Variants in TENM1 observed in about 807,000 individuals in gnomAD.
TENM1 encodes teneurin-1.
In TENM1, 35 loss-of-function variants were observed where a neutral mutation model predicts 174.8. The observed-to-expected ratio is 0.20, with a 90% CI of 0.15 to 0.27. The LOEUF is 0.27. TENM1 is among the 10% of genes least tolerant of loss of function. The probability of loss-of-function intolerance (pLI) is 1.00; values close to 1 mark genes in which losing one functional copy is unlikely to be tolerated. For missense variants in TENM1, 1,633 were observed against 2,130.1 expected, an observed-to-expected ratio of 0.77 and a Z score of 4.59; for synonymous variants, 781 against 798.7, an observed-to-expected ratio of 0.98 and a Z score of 0.37.
At position 124,943,788 on chromosome X, in the gene TENM1, T is replaced by C. The variant is rs73215174; in HGVS notation, c.217+19749A>G. On this transcript the variant is annotated intron_variant, in intron 1 of 31. Transcript: ENST00000422452. ...AGTCATAAGATTGCTGTTAATTATG[T>C]TTCCACTTCTCATGAATTGTTTACT... Among the ~76,000 whole-genome samples, 434 of 112,178 alleles carry C rather than the reference T, an allele frequency of 3.9e-3. 1 individual carries two copies. The highest frequency in any genetic ancestry group is 5.7e-3 in the Non-Finnish European group (305 of 53,109).
chrX:124,927,856 T>C (rs2058113478), intron 1 of TENM1, among the ~76,000 whole-genome samples: 1 of 111,935 alleles, frequency 8.9e-6, no homozygotes, highest in Non-Finnish European at 1.9e-5. Context: ...GACCTTCTTT[T>C]CCCTTGTAAT....
At chrX:125,107,770 T>A in the TENM1 span, among the ~76,000 whole-genome samples, 1 of 112,092 alleles carries the variant, frequency 8.9e-6, no homozygotes, top group Non-Finnish European at 1.9e-5. Flanking sequence ...AAAAACTACA[T>A]AACACTAGGA....
the TENM1 span, among the ~76,000 whole-genome samples, chrX:125,117,135 C>T: frequency 9.0e-6 from 1 of 111,403 alleles, no homozygotes; most frequent in African/African-American, 3.3e-5. Context: ...GACAGTGTGG[C>T]AATTCCTCAA....
intron 6 of TENM1, among the ~76,000 whole-genome samples, chrX:124,656,842 G>A (rs1344187983): frequency 1.8e-5 from 2 of 111,227 alleles, no homozygotes; most frequent in East Asian, 2.8e-4. Context: ...GGCCAGGTGC[G>A]GTGGCTCATG....
In TENM1 at chrX:124,503,540, A is replaced by C. The variant is rs2047378693; in HGVS notation, c.3445+20T>G. 1.7e-6 allele frequency: 2 copies of C among 1,184,700 alleles called. No homozygotes were observed. The highest frequency in any genetic ancestry group is 3.0e-5 in the East Asian group (1 of 33,584). ...AGCATTAGGAAAGTAGTATTCATAC[A>C]AATTTAAAAAGCTACTTACCACTTT... On this transcript the variant is annotated intron_variant, in intron 19 of 31. Coordinates refer to ENST00000422452, the Ensembl canonical transcript of TENM1.
chrX:124,471,483 A>T (rs866935816), intron 22 of TENM1, among the ~76,000 whole-genome samples: 1 of 46,060 alleles, frequency 2.2e-5, no homozygotes, highest in Non-Finnish European at 3.5e-5. Context: ...ATAATATATA[A>T]TATATAGTAT....
the TENM1 span, among the ~76,000 whole-genome samples, chrX:125,130,481 C>T: frequency 1.8e-5 from 2 of 110,357 alleles, no homozygotes; most frequent in African/African-American, 6.6e-5. Context: ...AATTAATTAC[C>T]TTAGATACCA....
chrX:124,640,056 T>C (rs2050974106), intron 11 of TENM1, among the ~76,000 whole-genome samples: 1 of 110,648 alleles, frequency 9.0e-6, no homozygotes, highest in Non-Finnish European at 1.9e-5. Context: ...GGCACATGTA[T>C]ATTTGTTAGA....
At chrX:124,536,773 G>A (rs773339272) in intron 15 of TENM1, among the ~76,000 whole-genome samples, 1 of 111,909 alleles carries the variant, frequency 8.9e-6, no homozygotes, top group African/African-American at 3.2e-5. Context: ...TGTCCTGTAA[G>A]CCCTTGCAAC....
chrX:125,091,195 C>T, the TENM1 span, among the ~76,000 whole-genome samples: 25 of 110,051 alleles, frequency 2.3e-4, no homozygotes, highest in Non-Finnish European at 4.4e-4. Context: ...TAAAACACGC[C>T]TGTTACTCAA....
intron 11 of TENM1, among the ~76,000 whole-genome samples, chrX:124,604,199 A>G (rs2050097533): frequency 9.0e-6 from 1 of 111,436 alleles, no homozygotes; most frequent in Non-Finnish European, 1.9e-5. Flanking sequence ...AGTCTGCTCT[A>G]CCTTGATGTT....
intron 15 of TENM1, among the ~76,000 whole-genome samples, chrX:124,536,657 A>G (rs2048212113): frequency 9.0e-6 from 1 of 111,565 alleles, no homozygotes. Context: ...TTTTGAAGCA[A>G]TAAGAAAACT....
At chrX:124,980,039 G>A in the TENM1 span, among the ~76,000 whole-genome samples, 1 of 111,739 alleles carries the variant, frequency 8.9e-6, no homozygotes. Flanking sequence ...ACATGCTAAA[G>A]TTTTATGGAT....
chrX:124,798,723 T>A (rs2055368184), intron 3 of TENM1, among the ~76,000 whole-genome samples: 1 of 112,040 alleles, frequency 8.9e-6, no homozygotes, highest in Non-Finnish European at 1.9e-5. Context: ...TGGGTTTTTG[T>A]TGCAATTGCT....
chrX:124,720,423 A>T (rs756591612), intron 4 of TENM1, among the ~76,000 whole-genome samples: 1 of 111,894 alleles, frequency 8.9e-6, no homozygotes, highest in Non-Finnish European at 1.9e-5. Context: ...TCTACCTATG[A>T]CCTGGAAGCT....
chrX:124,849,973 TACTC>T (rs1335614646), intron 3 of TENM1, among the ~76,000 whole-genome samples: 1 of 111,801 alleles, frequency 8.9e-6, no homozygotes, highest in African/African-American at 3.2e-5. Flanking sequence ...TTACAGTTCT[TACTC>T]ACACAACTTA....
exon 30 of TENM1, chrX:124,384,662 A>G: frequency 8.3e-7 from 1 of 1,210,006 alleles, no homozygotes; most frequent in Non-Finnish European, 1.1e-6. Flanking sequence ...ATCGTAATTA[A>G]TTACACTGAA....
At chrX:124,487,333 A>C in intron 20 of TENM1, 104 bp from the exon 24 acceptor site, 3 of 735,935 alleles carry the variant, frequency 4.1e-6, no homozygotes, top group Non-Finnish European at 4.0e-6. Context: ...TTCCTAACTC[A>C]GATTGCGGCA....
chrX:125,088,283 A>C, the TENM1 span, among the ~76,000 whole-genome samples: 19 of 111,483 alleles, frequency 1.7e-4, no homozygotes, highest in African/African-American at 6.2e-4. Context: ...GTCTGAGAAA[A>C]TGTCAGAGCC....
Sources: allele counts gnomAD v4.1 joint callset (sites outside exome capture counted in the v4.1 genomes callset), GRCh38; gene constraint gnomAD v4.1.1; transcripts MANE v1.5; gene names NCBI Gene and HGNC (gene_info 2026-07-23, HGNC 2026-07-21).